The following MMP16 variants were observed in gnomAD, a reference collection of about 807,000 sequenced individuals.
MMP16 encodes the protein matrix metalloproteinase-16.
In MMP16, 12 loss-of-function variants were observed where a neutral mutation model predicts 67.8. The ratio of observed to expected loss-of-function variants is 0.18; its 90% confidence interval spans 0.11 to 0.29. The LOEUF is 0.29. MMP16 is among the 10% of genes least tolerant of loss of function. The probability of loss-of-function intolerance (pLI) is 1.00; values close to 1 mark genes in which losing one functional copy is unlikely to be tolerated. For synonymous variants in MMP16, 249 were observed against 255.9 expected (o/e 0.97, Z 0.26); for missense variants, 475 against 765.7 (o/e 0.62, Z 4.48).
intron 3 of MMP16, among the ~76,000 whole-genome samples, chr8:88,172,560 C>A (rs147954898): frequency 6.6e-6 from 1 of 152,138 alleles, no homozygotes; most frequent in East Asian, 1.9e-4. Flanking sequence ...AATAAAAATG[C>A]AGAAATGATT....
At chr8:88,255,555 T>A (rs894203944) in intron 1 of MMP16, among the ~76,000 whole-genome samples, 1 of 152,188 alleles carries the variant, frequency 6.6e-6, no homozygotes, top group South Asian at 2.1e-4. Context: ...GTGATCTGTC[T>A]AGATCACAAA....
At chr8:88,179,274 C>CCATGCAAAA (rs1166008644) in intron 3 of MMP16, among the ~76,000 whole-genome samples, 1 of 151,888 alleles carries the variant, frequency 6.6e-6, no homozygotes, top group East Asian at 1.9e-4. Flanking sequence ...TCTTCAAGAA[C>CCATGCAAAA]CATGCAAGCA....
intron 1 of MMP16, among the ~76,000 whole-genome samples, chr8:88,261,423 A>C (rs141224498): frequency 1.3e-5 from 2 of 152,216 alleles, no homozygotes; most frequent in East Asian, 3.9e-4. Context: ...ATAATCCAAC[A>C]ATTTATAATA....
chr8:88,249,308 C>A (rs1364172214), intron 1 of MMP16, among the ~76,000 whole-genome samples: 1 of 152,014 alleles, frequency 6.6e-6, no homozygotes, highest in African/African-American at 2.4e-5. Flanking sequence ...GTAATAAGTC[C>A]TGATCAAATA....
At chr8:88,112,187 C>CTT (rs60025472) in intron 6 of MMP16, among the ~76,000 whole-genome samples, 10 of 141,598 alleles carry the variant, frequency 7.1e-5, no homozygotes, top group Admixed American at 1.4e-4. Flanking sequence ...GGCAACTATC[C>CTT]TTTTTTTTTT....
chr8:88,096,219 G>A (rs1340731176), intron 6 of MMP16, among the ~76,000 whole-genome samples: 1 of 151,856 alleles, frequency 6.6e-6, no homozygotes. Context: ...AAGTTTCATT[G>A]AAAGAATATT....
rs551487444 is a variant in MMP16 at position 88,085,419 on chromosome 8, G to A, written c.1084-10676C>T. Reference sequence around the variant, plus strand: ...AATACACTTTTTCACTAAGACAGTCGTGAATGTCTGCAATGATTTTGCAGG... The same window carrying A: ...AATACACTTTTTCACTAAGACAGTCATGAATGTCTGCAATGATTTTGCAGG... On this transcript the variant is annotated intron_variant, in intron 6 of 9. Coordinates refer to ENST00000286614, the MANE Select transcript of MMP16 (RefSeq NM_005941.5). Among the ~76,000 whole-genome samples the A allele has an allele frequency of 4.6e-5, 7 of 152,114 alleles. No individual in the cohort carries two copies. The East Asian group carries it at 5.8e-4, about 13-fold the overall frequency.
intron 4 of MMP16, 123 bp downstream of exon 4, chr8:88,167,546 A>T: frequency 1.1e-6 from 1 of 911,138 alleles, no homozygotes. Context: ...ATGCTTACAT[A>T]TTGCTTTGGA....
At chr8:88,112,084 C>T (rs376613447) in intron 6 of MMP16, among the ~76,000 whole-genome samples, 4 of 151,736 alleles carry the variant, frequency 2.6e-5, no homozygotes, top group South Asian at 4.2e-4. Flanking sequence ...TACTGTTCCA[C>T]GACAGCTTTG....
intron 7 of MMP16, among the ~76,000 whole-genome samples, chr8:88,059,925 G>A (rs574246813): frequency 1.3e-5 from 2 of 151,322 alleles, no homozygotes; most frequent in South Asian, 2.1e-4. Flanking sequence ...CAGATATTAA[G>A]AGGAGGCAGA....
rs751418739 is a variant in MMP16 at position 88,041,846 on chromosome 8, T to A, written c.1490-51A>T. 7.4e-7 allele frequency: 1 copy of A among 1,354,096 alleles called. No individual in the cohort carries two copies. Among genetic ancestry groups the A allele is most frequent in the African/African-American group, 1.5e-5 (1 of 68,960 alleles). 83.9% of individuals were successfully genotyped at this position (1,354,096 alleles called of 1,614,324 possible). A position where few individuals can be genotyped will look rare whatever the true frequency, so the allele number is the denominator to read the frequency against. ...CAGGTACCACTTATTTGTGACAGTG[T>A]ATATGTAGAGAAATGTTACTAAAAT... On this transcript the variant is annotated intron_variant, in intron 9 of 9. Transcript: ENST00000286614. This position sits in a 1 kb window ranked among gnomAD's most constrained non-coding sequence, Gnocchi z 6.0.
rs560826610 is a variant in MMP16 at position 88,285,700 on chromosome 8, A to C, written c.132+41375T>G. On this transcript the variant is annotated intron_variant, in intron 1 of 9. Transcript: ENST00000286614. Reference sequence around the variant, plus strand: ...CCCCCTCAACTGAATCCTTCCAATGACTTTTTTTCCTTTTTAAAAATTAAT... The same window carrying C: ...CCCCCTCAACTGAATCCTTCCAATGCCTTTTTTTCCTTTTTAAAAATTAAT... 6.5e-4 allele frequency among the ~76,000 whole-genome samples: 99 copies of C among 151,606 alleles called. No individual in the cohort carries two copies. In the South Asian group the frequency reaches 0.011, roughly 17 times the overall value.
intron 1 of MMP16, among the ~76,000 whole-genome samples, chr8:88,246,624 G>C (rs537030829): frequency 6.6e-6 from 1 of 152,198 alleles, no homozygotes; most frequent in Non-Finnish European, 1.5e-5. Context: ...AATGTGTGAA[G>C]GATCCAGAAT....
chr8:88,207,129 A>AT (rs1404333047), intron 1 of MMP16, among the ~76,000 whole-genome samples: 2 of 152,226 alleles, frequency 1.3e-5, no homozygotes, highest in Non-Finnish European at 2.9e-5. Context: ...CTATTTTATC[A>AT]TTTACTACCA....
chr8:88,321,121 T>C (rs1563595054), intron 1 of MMP16, among the ~76,000 whole-genome samples: 1 of 152,174 alleles, frequency 6.6e-6, no homozygotes, highest in Non-Finnish European at 1.5e-5. Context: ...AAACTACATA[T>C]TTTATAAAAT....
At chr8:88,158,232 T>C (rs62525950) in intron 4 of MMP16, among the ~76,000 whole-genome samples, 3 of 152,110 alleles carry the variant, frequency 2.0e-5, no homozygotes, top group African/African-American at 4.8e-5. Flanking sequence ...TTCTAGATCC[T>C]TGAGGAATCG....
intron 6 of MMP16, among the ~76,000 whole-genome samples, chr8:88,091,687 T>C (rs1808940160): frequency 6.6e-6 from 1 of 151,898 alleles, no homozygotes; most frequent in Non-Finnish European, 1.5e-5. Flanking sequence ...TTAAAAGAAG[T>C]AATCAATTAA....
At chr8:88,227,211 G>A (rs1809784714) in intron 1 of MMP16, among the ~76,000 whole-genome samples, 1 of 151,896 alleles carries the variant, frequency 6.6e-6, no homozygotes, top group Admixed American at 6.6e-5. Flanking sequence ...GGGGGGAAAG[G>A]AAAATAACTT....
rs528899923 is a variant in MMP16 at position 88,118,606 on chromosome 8, G to C, written c.871+94C>G. 306 of 1,172,138 alleles carry C rather than the reference G, an allele frequency of 2.6e-4. No individual in the cohort carries two copies. The African/African-American group carries it at 4.2e-3, about 16-fold the overall frequency. The allele number at this position is 1,172,138 out of a possible 1,614,324, so 72.6% of individuals were successfully genotyped here. ...ACATACTTTTTCTGTAGTCATCTGT[G>C]TTATACTTAGAGCATCTATCTCAAA... On this transcript the variant is annotated intron_variant, in intron 5 of 9. Transcript: ENST00000286614.
Sources: gnomAD v4.1 joint callset for allele counts (sites outside exome capture counted in the v4.1 genomes callset) on GRCh38, gnomAD v4.1.1 for gene constraint, Gnocchi (gnomAD v3.1) non-coding constraint, MANE v1.5 for transcripts, NCBI Gene and HGNC (gene_info 2026-07-23, HGNC 2026-07-21) for gene names.